Variants in TSNARE1 observed in about 807,000 individuals in gnomAD.
TSNARE1 encodes the protein t-SNARE domain containing 1.
Under a neutral mutation model 62.0 loss-of-function variants are expected in TSNARE1, and 49 were observed. The observed-to-expected ratio is 0.79, with a 90% CI of 0.63 to 1.00. The LOEUF (loss-of-function observed/expected upper bound fraction) is 1.00. TSNARE1 is among the 50% of genes least tolerant of loss of function. TSNARE1 has a pLI of 0.00. For synonymous variants in TSNARE1, 328 were observed against 294.4 expected (o/e 1.11, Z -1.17); for missense variants, 755 against 700.1 (o/e 1.08, Z -0.88).
chr8:142,221,806 CATCCACTCACTCA>C, intron 13 of TSNARE1, among the ~76,000 whole-genome samples: 1 of 139,082 alleles, frequency 7.2e-6, no homozygotes, highest in Admixed American at 7.2e-5. Context: ...TTCACTCACT[CATCCACTCACTCA>C]TTCACTCACT....
chr8:142,264,529 C>G (rs539130060), intron 12 of TSNARE1, among the ~76,000 whole-genome samples: 1 of 152,184 alleles, frequency 6.6e-6, no homozygotes, highest in South Asian at 2.1e-4. Context: ...CTTCCGCTGT[C>G]CTGATAGATT....
chr8:142,297,219 T>C (rs867212225), intron 10 of TSNARE1, among the ~76,000 whole-genome samples: 29 of 152,216 alleles, frequency 1.9e-4, no homozygotes, highest in African/African-American at 7.0e-4. Flanking sequence ...AGGAAAGGGA[T>C]GCTGGGCGTG....
At chr8:142,405,741 C>T (rs1042201732), upstream of TSNARE1, 3 of 142,816 alleles carry the variant, frequency 2.1e-5, no homozygotes, top group Non-Finnish European at 4.6e-5. Context: ...ATGTCACCTG[C>T]TCAGGAGACC....
chr8:142,286,594 C>T (rs768576428), intron 10 of TSNARE1, among the ~76,000 whole-genome samples: 4 of 152,148 alleles, frequency 2.6e-5, no homozygotes, highest in Non-Finnish European at 5.9e-5. Flanking sequence ...AGGATGGGTG[C>T]GGGTTGGCCC....
chr8:142,256,542 C>T (rs902560572), intron 12 of TSNARE1, among the ~76,000 whole-genome samples: 3 of 41,932 alleles, frequency 7.2e-5, no homozygotes, highest in African/African-American at 9.6e-5. Flanking sequence ...ATCACCATCA[C>T]CACCATCACC....
At chr8:142,401,969 A>G (rs1307403651) in intron 1 of TSNARE1, among the ~76,000 whole-genome samples, 1 of 152,070 alleles carries the variant, frequency 6.6e-6, no homozygotes, top group Non-Finnish European at 1.5e-5. Flanking sequence ...CTAAGCAACA[A>G]TCCCCACCCC....
At chr8:142,273,601 C>A (rs2130570546) in intron 12 of TSNARE1, 1 of 985,396 alleles carries the variant, frequency 1.0e-6, no homozygotes, top group Non-Finnish European at 1.2e-6. Context: ...TCAACAGGGA[C>A]TGACCCTTGG....
intron 12 of TSNARE1, chr8:142,274,415 C>T (rs1259519613): frequency 1.3e-5 from 13 of 985,370 alleles, no homozygotes; most frequent in Admixed American, 6.1e-5. Flanking sequence ...GTCCCCTCTG[C>T]AGTTCCCCGC....
At chr8:142,219,043 T>A (rs1816080907) in intron 13 of TSNARE1, among the ~76,000 whole-genome samples, 1 of 152,176 alleles carries the variant, frequency 6.6e-6, no homozygotes, top group African/African-American at 2.4e-5. Context: ...TGTGTCCCAC[T>A]GAAGTCTCTC....
chr8:142,272,394 GCCCA>G (rs1819691198), intron 12 of TSNARE1, among the ~76,000 whole-genome samples: 3 of 86,128 alleles, frequency 3.5e-5, no homozygotes, highest in African/African-American at 5.4e-5. Context: ...CCATCCACCC[GCCCA>G]TCTACACCTT....
chr8:142,229,519 TGAC>T lies in TSNARE1; in HGVS notation c.1504_1506del (p.Val502del). The T allele has an allele frequency of 6.2e-7, 1 of 1,614,062 alleles. No homozygotes were observed. Among genetic ancestry groups the T allele is most frequent in the Non-Finnish European group, 8.5e-7 (1 of 1,179,984 alleles). ...ACAGAGGTGGCGATGATGATGATGA[TGAC>T]AAGCAGGGCAGTGACTCCAGCTGAT... On this transcript the variant is annotated inframe_deletion, in exon 13 of 14. Coordinates refer to ENST00000524325, the MANE Select transcript of TSNARE1 (RefSeq NM_145003.5).
At chr8:142,391,791 C>T (rs1837551923) in intron 1 of TSNARE1, among the ~76,000 whole-genome samples, 1 of 152,266 alleles carries the variant, frequency 6.6e-6, no homozygotes, top group South Asian at 2.1e-4. Context: ...CGCTCACCCA[C>T]ACGCCCCTCA....
intron 12 of TSNARE1, among the ~76,000 whole-genome samples, chr8:142,242,966 A>T (rs897341849): frequency 1.3e-5 from 2 of 151,608 alleles, no homozygotes; most frequent in Admixed American, 6.6e-5. Flanking sequence ...AAAAAAAAAA[A>T]AAAAGCTAAC....
intron 1 of TSNARE1, among the ~76,000 whole-genome samples, chr8:142,368,801 G>A (rs1214874170): frequency 6.6e-6 from 1 of 152,206 alleles, no homozygotes; most frequent in Non-Finnish European, 1.5e-5. Context: ...TATGGGATAA[G>A]GGCCGCAATG....
chr8:142,320,387 C>T lies in TSNARE1; in HGVS notation c.894-1753G>A, dbSNP rs536962267. Among the ~76,000 whole-genome samples, 3 of 151,470 alleles carry T rather than the reference C, an allele frequency of 2.0e-5. No individual in the cohort carries two copies. The East Asian group carries it at 5.8e-4, about 30-fold the overall frequency. On this transcript the variant is annotated intron_variant, in intron 6 of 13. Transcript: ENST00000524325. ...TTCACCTCCCCACACCGCCCTCCTG[C>T]ACCTGCAACTTCACCTCCCCACACC...
intron 1 of TSNARE1, among the ~76,000 whole-genome samples, chr8:142,357,738 T>C (rs977045007): frequency 6.6e-5 from 10 of 151,316 alleles, no homozygotes; most frequent in Non-Finnish European, 1.5e-4. Context: ...GCCCTGGAGG[T>C]GGGGCTACAT....
chr8:142,352,696 C>T (rs1041417046), intron 2 of TSNARE1, among the ~76,000 whole-genome samples: 14 of 151,606 alleles, frequency 9.2e-5, no homozygotes, highest in African/African-American at 3.4e-4. Flanking sequence ...ATCGTCTGAG[C>T]CCAGGGAAGT....
At chr8:142,213,920 CA>C (rs1415211178) in intron 13 of TSNARE1, among the ~76,000 whole-genome samples, 1 of 151,916 alleles carries the variant, frequency 6.6e-6, no homozygotes, top group African/African-American at 2.4e-5. Flanking sequence ...GGATTCTCCC[CA>C]AAAGGCACCC....
chr8:142,229,125 G>T (rs1026232179), intron 13 of TSNARE1, among the ~76,000 whole-genome samples: 1 of 151,396 alleles, frequency 6.6e-6, no homozygotes, highest in Non-Finnish European at 1.5e-5. Context: ...TGGATAAATG[G>T]ATGGTGGGTG....
Sources: allele counts gnomAD v4.1 joint callset (sites outside exome capture counted in the v4.1 genomes callset), GRCh38; gene constraint gnomAD v4.1.1; transcripts MANE v1.5; gene names NCBI Gene and HGNC (gene_info 2026-07-23, HGNC 2026-07-21).